The following ATP2A3 variants were observed in gnomAD, a reference collection of about 807,000 sequenced individuals.
ATP2A3 encodes sarcoplasmic/endoplasmic reticulum calcium ATPase 3.
Under a neutral mutation model 106.8 loss-of-function variants are expected in ATP2A3, and 61 were observed. That is an observed-to-expected ratio of 0.57 (90% CI 0.46 to 0.71). The LOEUF is 0.71. Among genes scored for constraint, ATP2A3 ranks in the 30% least tolerant of loss-of-function variants. The pLI, the probability that ATP2A3 is intolerant of heterozygous loss-of-function variation, is 0.00. For missense variants in ATP2A3, 1,201 were observed against 1,423.5 expected (o/e 0.84, Z 2.52); for synonymous variants, 611 against 609.3 (o/e 1.00, Z -0.04).
chr17:3,962,271 T>G (rs11867352), intron 1 of ATP2A3, among the ~76,000 whole-genome samples: 7,188 of 152,276 alleles, frequency 0.047, 576 homozygotes, highest in African/African-American at 0.16. Context: ...ACCTACTATG[T>G]GACCTCGGGC....
At chr17:3,945,012 C>A (rs1228618368) in intron 9 of ATP2A3, 48 bp downstream of exon 9, 1 of 1,451,266 alleles carries the variant, frequency 6.9e-7, no homozygotes, top group Non-Finnish European at 9.1e-7. Context: ...CCACGCGTGG[C>A]CCCGCCCCCA....
chr17:3,953,549 C>T lies in ATP2A3; in HGVS notation c.137-120G>A. The T allele has an allele frequency of 6.7e-7, 1 of 1,490,108 alleles. No homozygotes were observed. The highest frequency in any genetic ancestry group is 1.2e-5 in the South Asian group (1 of 85,518). 92.3% of individuals were successfully genotyped at this position (1,490,108 alleles called of 1,614,324 possible). A position where few individuals can be genotyped will look rare whatever the true frequency, so the allele number is the denominator to read the frequency against. ...TCCCTGCACTCAGAAGAGGGAGAAC[C>T]CAGGTCGCTGAGAGGCTCAGGTGGG... On this transcript the variant is annotated intron_variant, in intron 2 of 20. Transcript: ENST00000397041. This position sits in a 1 kb window ranked among gnomAD's most constrained non-coding sequence, Gnocchi z 5.1.
At position 3,925,234 on chromosome 17, in the gene ATP2A3, A is replaced by G. The variant is rs2144154070; in HGVS notation, c.*188T>C. ...GGAATTACAGACCTCCCAGGCCAGA[A>G]GGAAGTGGGGACAGAGACCCCAGGA... On this transcript the variant is annotated 3_prime_UTR_variant, in exon 21 of 21. Coordinates refer to ENST00000397041, the MANE Select transcript of ATP2A3 (RefSeq NM_005173.4). The surrounding 1 kb of genome is among the most constrained non-coding windows in gnomAD (Gnocchi z 4.2). 1.2e-6 allele frequency: 1 copy of G among 854,520 alleles called. No homozygotes were observed. Among genetic ancestry groups the G allele is most frequent in the South Asian group, 1.6e-5 (1 of 63,262 alleles). 52.9% of individuals were successfully genotyped at this position (854,520 alleles called of 1,614,324 possible). A position where few individuals can be genotyped will look rare whatever the true frequency, so the allele number is the denominator to read the frequency against.
In ATP2A3 at chr17:3,932,813, G is replaced by A. The variant is rs540420465; in HGVS notation, c.2610+2379C>T. On this transcript the variant is annotated intron_variant, in intron 17 of 20. Coordinates refer to ENST00000397041, the MANE Select transcript of ATP2A3 (RefSeq NM_005173.4). ...GACTCTACCCACCCAGTGACCGAGA[G>A]GACCAAATCCTCCTGCCAATTGTGC... Among the ~76,000 whole-genome samples the A allele has an allele frequency of 4.9e-4, 74 of 151,800 alleles. 2 individuals are homozygous for A. The highest frequency in any genetic ancestry group is 1.7e-3 in the African/African-American group (71 of 41,068).
At chr17:3,960,608 C>A (rs1305776106) in intron 1 of ATP2A3, among the ~76,000 whole-genome samples, 5 of 152,230 alleles carry the variant, frequency 3.3e-5, no homozygotes, top group African/African-American at 4.8e-5. Flanking sequence ...AGATGGGCAG[C>A]CCATTTGGTG....
chr17:3,924,468 C>T lies in ATP2A3; in HGVS notation c.*954G>A. 3.7e-6 allele frequency: 1 copy of T among 269,584 alleles called. No homozygotes were observed. Among genetic ancestry groups the T allele is most frequent in the Non-Finnish European group, 7.5e-6 (1 of 133,902 alleles). The allele number at this position is 269,584 out of a possible 1,614,324, so 16.7% of individuals were successfully genotyped here. The stretch of plus-strand genomic sequence containing the variant: ...AGTGAGGCCAAGAGTCCAGGAAGCC[C>T]ACCAGGCTCAGAGGCCCCCAGCTGT... On this transcript the variant is annotated 3_prime_UTR_variant, in exon 21 of 21. Transcript: ENST00000397041. The surrounding 1 kb of genome is among the most constrained non-coding windows in gnomAD (Gnocchi z 6.4).
chr17:3,956,466 G>C (rs552939342), intron 1 of ATP2A3, among the ~76,000 whole-genome samples: 1 of 152,182 alleles, frequency 6.6e-6, no homozygotes, highest in Non-Finnish European at 1.5e-5. Context: ...AGTATCCTCC[G>C]TCTGTGCTGG....
chr17:3,931,743 G>T (rs1322140981), intron 17 of ATP2A3, among the ~76,000 whole-genome samples: 1 of 152,076 alleles, frequency 6.6e-6, no homozygotes, highest in Non-Finnish European at 1.5e-5. Context: ...GGATGGTCTA[G>T]AACTCCTGAC....
chr17:3,938,485 G>C (rs146491758), intron 14 of ATP2A3, among the ~76,000 whole-genome samples: 3 of 152,052 alleles, frequency 2.0e-5, no homozygotes, highest in African/African-American at 7.2e-5. Flanking sequence ...CATTACATTG[G>C]GGGTGGGGCA....
rs576311177 is a variant in ATP2A3 at position 3,928,297 on chromosome 17, A to G, written c.2980+366T>C. 6 of 1,613,188 alleles carry G rather than the reference A, an allele frequency of 3.7e-6. No individual in the cohort carries two copies. In the Admixed American group the frequency reaches 1.0e-4, roughly 27 times the overall value. The stretch of plus-strand genomic sequence containing the variant: ...CGGCTGCCTACTCCAGGCCTGCGAG[A>G]CTGTCCTGAGAAGGCCTGGATAAAG... On this transcript the variant is annotated intron_variant, in intron 20 of 20. Transcript: ENST00000397041. This position sits in a 1 kb window ranked among gnomAD's most constrained non-coding sequence, Gnocchi z 6.1.
At chr17:3,943,557 A>T (rs775272086) in intron 10 of ATP2A3, 35 bp from the exon 11 acceptor site, 5 of 1,613,378 alleles carry the variant, frequency 3.1e-6, no homozygotes, top group Non-Finnish European at 4.2e-6. Context: ...AGTGAGGGGC[A>T]GGCAGCCTCC....
rs2052667986 is a variant in ATP2A3 at position 3,925,641 on chromosome 17, C to G, written c.2981-200G>C. ...CCAGGATCCATCCCCGCAACGTCCC[C>G]CACGCCTCCTTCACTCCACTGTTCC... is the stretch of plus-strand genomic sequence containing the variant. On this transcript the variant is annotated intron_variant, in intron 20 of 20. Transcript: ENST00000397041. The surrounding 1 kb of genome is among the most constrained non-coding windows in gnomAD (Gnocchi z 4.2). Among the ~76,000 whole-genome samples, 1 of 151,704 alleles carries G rather than the reference C, an allele frequency of 6.6e-6. No homozygotes were observed. Among genetic ancestry groups the G allele is most frequent in the African/African-American group, 2.4e-5 (1 of 41,242 alleles).
chr17:3,942,827 C>G, intron 11 of ATP2A3, 96 bp from the exon 12 acceptor site: 2 of 1,570,934 alleles, frequency 1.3e-6, no homozygotes, highest in Non-Finnish European at 8.6e-7. Context: ...GCCTCTTGCT[C>G]TGTGTGGGAT....
intron 1 of ATP2A3, among the ~76,000 whole-genome samples, chr17:3,954,956 G>A (rs1311368619): frequency 6.6e-6 from 1 of 152,214 alleles, no homozygotes; most frequent in Non-Finnish European, 1.5e-5. Flanking sequence ...GAGGATCAGG[G>A]TGGCGGTGTG....
chr17:3,944,900 T>C lies in ATP2A3; in HGVS notation c.1185-94A>G, dbSNP rs190588470. ...CGCCCCTAGGAGGGGGCTCCGCCTC[T>C]TGGCCCCGCCCCCAGAAGGGCTCCG... On this transcript the variant is annotated intron_variant, in intron 9 of 20. Coordinates refer to ENST00000397041, the MANE Select transcript of ATP2A3 (RefSeq NM_005173.4). 4,388 of 1,071,700 alleles carry C rather than the reference T, an allele frequency of 4.1e-3. 136 individuals are homozygous for C. The African/African-American group carries it at 0.071, about 17-fold the overall frequency. 66.4% of individuals were successfully genotyped at this position (1,071,700 alleles called of 1,614,324 possible). A position where few individuals can be genotyped will look rare whatever the true frequency, so the allele number is the denominator to read the frequency against.
intron 1 of ATP2A3, among the ~76,000 whole-genome samples, chr17:3,961,593 A>T (rs1401740524): frequency 6.6e-6 from 1 of 152,224 alleles, no homozygotes; most frequent in Non-Finnish European, 1.5e-5. Flanking sequence ...GGACTTAAGC[A>T]AATGACTTCC....
In ATP2A3 at chr17:3,930,558, C is replaced by T. The variant is rs183701838; in HGVS notation, c.2611-124G>A. ...GCACAACCAGCACACAAAACACTGC[C>T]GTGGGGTGGGCTGGGGATCCCGGGA... is the stretch of plus-strand genomic sequence containing the variant. On this transcript the variant is annotated intron_variant, in intron 17 of 20. Coordinates refer to ENST00000397041, the MANE Select transcript of ATP2A3 (RefSeq NM_005173.4). The surrounding 1 kb of genome is among the most constrained non-coding windows in gnomAD (Gnocchi z 5.4). The T allele has an allele frequency of 0.016, 13,170 of 835,942 alleles. 102 individuals carry two copies. Among genetic ancestry groups the T allele is most frequent in the Non-Finnish European group, 0.019 (10,751 of 573,204 alleles). 51.8% of individuals were successfully genotyped at this position (835,942 alleles called of 1,614,324 possible). A position where few individuals can be genotyped will look rare whatever the true frequency, so the allele number is the denominator to read the frequency against.
At chr17:3,935,008 G>A (rs1455467219) in intron 17 of ATP2A3, 184 bp downstream of exon 17, 5 of 669,814 alleles carry the variant, frequency 7.5e-6, no homozygotes, top group Admixed American at 4.4e-5. Context: ...TTGGGGGTCC[G>A]TGCTGGTGTC....
intron 1 of ATP2A3, among the ~76,000 whole-genome samples, chr17:3,958,895 TA>T (rs2054980803): frequency 7.6e-6 from 1 of 132,226 alleles, no homozygotes; most frequent in South Asian, 2.4e-4. Flanking sequence ...CACATATATA[TA>T]TATTGTTTTT....
Sources: gnomAD v4.1 joint callset for allele counts (sites outside exome capture counted in the v4.1 genomes callset) on GRCh38, gnomAD v4.1.1 for gene constraint, Gnocchi (gnomAD v3.1) non-coding constraint, MANE v1.5 for transcripts, NCBI Gene and HGNC (gene_info 2026-07-23, HGNC 2026-07-21) for gene names.